The following CSMD1 variants were observed in gnomAD, a reference collection of about 807,000 sequenced individuals.
CSMD1 encodes the protein CUB and Sushi multiple domains 1, also known as CUB and sushi domain-containing protein 1.
In CSMD1, 213 loss-of-function variants were observed where a neutral mutation model predicts 417.5. The observed-to-expected ratio is 0.51, with a 90% CI of 0.46 to 0.57. The LOEUF is 0.57. CSMD1 is among the 20% of genes least tolerant of loss of function. The pLI, the probability that CSMD1 is intolerant of heterozygous loss-of-function variation, is 0.00. For synonymous variants in CSMD1, 2,862 were observed against 1,736.8 expected (o/e 1.65, Z -16.11); for missense variants, 6,923 against 4,529.7 (o/e 1.53, Z -15.17).
intron 6 of CSMD1, among the ~76,000 whole-genome samples, chr8:3,717,298 G>A (rs1322521601): frequency 6.6e-6 from 1 of 152,090 alleles, no homozygotes; most frequent in Admixed American, 6.6e-5. Context: ...TATCTCAGAA[G>A]TATTTTAATG....
At chr8:3,772,682 C>CAT (rs563835673) in intron 5 of CSMD1, among the ~76,000 whole-genome samples, 1,729 of 143,208 alleles carry the variant, frequency 0.012, 32 homozygotes, top group South Asian at 0.025. Context: ...TACATATATA[C>CAT]ATATATATAC....
chr8:3,565,333 GT>G (rs146527319), intron 10 of CSMD1, among the ~76,000 whole-genome samples: 10,721 of 151,938 alleles, frequency 0.071, 1,236 homozygotes, highest in African/African-American at 0.24. Flanking sequence ...GAACAGGGCA[GT>G]TGGTGGAGCC....
chr8:3,907,034 G>A (rs572683202), intron 5 of CSMD1, among the ~76,000 whole-genome samples: 1 of 152,108 alleles, frequency 6.6e-6, no homozygotes. Context: ...GAGAAAAATG[G>A]CTGGGAGAGC....
chr8:4,231,693 G>C (rs1052098850), intron 3 of CSMD1, among the ~76,000 whole-genome samples: 2 of 152,340 alleles, frequency 1.3e-5, no homozygotes, highest in South Asian at 4.1e-4. Flanking sequence ...TATGACTACA[G>C]TTAATAAGCC....
chr8:4,668,185 A>T (rs1305817962), intron 1 of CSMD1, among the ~76,000 whole-genome samples: 2 of 152,082 alleles, frequency 1.3e-5, no homozygotes, highest in Admixed American at 6.6e-5. Flanking sequence ...TTTGAGTATA[A>T]TAACTTCTGT....
chr8:4,766,384 A>G (rs1385169676), intron 1 of CSMD1, among the ~76,000 whole-genome samples: 1 of 152,338 alleles, frequency 6.6e-6, no homozygotes, highest in East Asian at 1.9e-4. Flanking sequence ...TTGTGGATTG[A>G]ACGAGAACAT....
At chr8:4,211,624 G>A (rs974155344) in intron 3 of CSMD1, among the ~76,000 whole-genome samples, 5 of 152,182 alleles carry the variant, frequency 3.3e-5, no homozygotes, top group African/African-American at 1.2e-4. Flanking sequence ...CATAAGAACA[G>A]TAAATATCCC....
At chr8:3,905,554 G>A (rs531431301) in intron 5 of CSMD1, among the ~76,000 whole-genome samples, 1 of 152,296 alleles carries the variant, frequency 6.6e-6, no homozygotes, top group South Asian at 2.1e-4. Context: ...CCATCTCACT[G>A]GGAGGGCTTG....
At chr8:4,060,213 T>C (rs1041745104) in intron 3 of CSMD1, among the ~76,000 whole-genome samples, 21 of 134,112 alleles carry the variant, frequency 1.6e-4, no homozygotes, top group African/African-American at 5.1e-4. Context: ...TTTCAATAGA[T>C]GCAGAAAAGG....
chr8:4,695,313 T>A (rs576002329), intron 1 of CSMD1, among the ~76,000 whole-genome samples: 8 of 152,078 alleles, frequency 5.3e-5, no homozygotes, highest in African/African-American at 1.9e-4. Context: ...ACTCCTGGCA[T>A]TGAAATAACT....
chr8:3,987,851 A>G (rs145996068), intron 5 of CSMD1, among the ~76,000 whole-genome samples: 5 of 152,342 alleles, frequency 3.3e-5, no homozygotes, highest in Admixed American at 6.5e-5. Flanking sequence ...CCTGCCAAAA[A>G]GAAATGGTTC....
intron 1 of CSMD1, among the ~76,000 whole-genome samples, chr8:4,915,775 T>C (rs1408858283): frequency 6.6e-6 from 1 of 152,252 alleles, no homozygotes; most frequent in East Asian, 1.9e-4. Flanking sequence ...TTCAAACTTT[T>C]AGCAGAGACA....
chr8:3,330,128 G>C lies in CSMD1; in HGVS notation c.3631+13166C>G, dbSNP rs561091100. Among the ~76,000 whole-genome samples the C allele has an allele frequency of 8.0e-4, 122 of 152,232 alleles. 1 individual carries two copies. Among genetic ancestry groups the C allele is most frequent in the Admixed American group, 2.7e-3 (41 of 15,286 alleles). On this transcript the variant is annotated intron_variant, in intron 23 of 69. Coordinates refer to ENST00000635120, the MANE Select transcript of CSMD1 (RefSeq NM_033225.6). ...AGGGTAGTGGGTAGAGAGCCCTGCA[G>C]ACAGAAATGTCATTCAAGAGATTTC...
intron 10 of CSMD1, among the ~76,000 whole-genome samples, chr8:3,497,207 CTGT>C (rs1323174385): frequency 6.6e-6 from 1 of 152,078 alleles, no homozygotes; most frequent in Admixed American, 6.6e-5. Context: ...TATTAATTTT[CTGT>C]CTAGATAATC....
chr8:4,516,930 G>A (rs187224493), intron 2 of CSMD1, among the ~76,000 whole-genome samples: 1 of 152,120 alleles, frequency 6.6e-6, no homozygotes, highest in East Asian at 1.9e-4. Flanking sequence ...TCATGACTCA[G>A]AATTATTAAT....
chr8:4,950,245 G>C (rs546808888), intron 1 of CSMD1, among the ~76,000 whole-genome samples: 5 of 151,972 alleles, frequency 3.3e-5, no homozygotes, highest in African/African-American at 1.2e-4. Context: ...TACAAAATTA[G>C]TCATTTATGC....
chr8:3,324,568 C>T (rs1806394512), intron 23 of CSMD1, among the ~76,000 whole-genome samples: 1 of 150,932 alleles, frequency 6.6e-6, no homozygotes, highest in African/African-American at 2.4e-5. Flanking sequence ...AATAGACACA[C>T]ATCTAACCCC....
At chr8:3,315,399 A>C (rs1232282733) in intron 23 of CSMD1, among the ~76,000 whole-genome samples, 2 of 151,642 alleles carry the variant, frequency 1.3e-5, no homozygotes, top group Non-Finnish European at 2.9e-5. Flanking sequence ...TTTACAATAC[A>C]TCTCTCTTTA....
intron 33 of CSMD1, among the ~76,000 whole-genome samples, chr8:3,198,890 C>A (rs926993617): frequency 6.7e-6 from 1 of 148,544 alleles, no homozygotes; most frequent in Non-Finnish European, 1.5e-5. Flanking sequence ...GTATCTGTAG[C>A]CTCCAGCAAA....
Sources: gnomAD v4.1 joint callset for allele counts (sites outside exome capture counted in the v4.1 genomes callset) on GRCh38, gnomAD v4.1.1 for gene constraint, MANE v1.5 for transcripts, NCBI Gene and HGNC (gene_info 2026-07-23, HGNC 2026-07-21) for gene names.